MORN4: variants seen among roughly 807,000 people sequenced by gnomAD.
MORN4 encodes MORN repeat-containing protein 4.
MORN4 carries 8 observed loss-of-function variants against 16.4 expected under a neutral mutation model. The observed-to-expected ratio is 0.49, with a 90% CI of 0.29 to 0.88. MORN4 has a LOEUF of 0.88. Among genes scored for constraint, MORN4 ranks in the 40% least tolerant of loss-of-function variants. The probability of loss-of-function intolerance (pLI) is 0.09; values close to 1 mark genes in which losing one functional copy is unlikely to be tolerated. For missense variants in MORN4, 159 were observed against 182.9 expected (o/e 0.87, Z 0.75); for synonymous variants, 53 against 68.9 (o/e 0.77, Z 1.14).
chr10:97,631,144 G>T (rs1174451703), intron 1 of MORN4, among the ~76,000 whole-genome samples: 1 of 152,190 alleles, frequency 6.6e-6, no homozygotes, highest in Non-Finnish European at 1.5e-5. Context: ...GAGCCACCAT[G>T]TCTGGCCCAA....
chr10:97,633,309 T>C lies in MORN4; in HGVS notation c.-31+38A>G, dbSNP rs779791764. The C allele has an allele frequency of 1.0e-5, 13 of 1,287,412 alleles. No homozygotes were observed. Among genetic ancestry groups the C allele is most frequent in the South Asian group, 2.5e-5 (2 of 80,824 alleles). 79.7% of individuals were successfully genotyped at this position (1,287,412 alleles called of 1,614,324 possible). ...TCAGTGCCCACCTGACCGATCACACTCTTTCCCGGCCCCCTCCCTCCTGCG... is the reference window on the plus strand; with the variant it reads ...TCAGTGCCCACCTGACCGATCACACCCTTTCCCGGCCCCCTCCCTCCTGCG... On this transcript the variant is annotated intron_variant, in intron 1 of 4. Transcript: ENST00000307450. The surrounding 1 kb of genome is among the most constrained non-coding windows in gnomAD (Gnocchi z 4.5).
At position 97,614,649 on chromosome 10, in the gene MORN4, C is replaced by T. The variant is rs1307167753; in HGVS notation, c.*1614G>A. ...AGGCACACGGCTATAACTTCCACCA[C>T]AATCTGCTGTTGAAGAGACATTCAA... On this transcript the variant is annotated 3_prime_UTR_variant, in exon 5 of 5. Coordinates refer to ENST00000307450, the MANE Select transcript of MORN4 (RefSeq NM_178832.4). 6.6e-6 allele frequency: 1 copy of T among 152,616 alleles called. No homozygotes were observed. Among genetic ancestry groups the T allele is most frequent in the Non-Finnish European group, 1.5e-5 (1 of 68,038 alleles). 9.5% of individuals were successfully genotyped at this position (152,616 alleles called of 1,614,324 possible). A position where few individuals can be genotyped will look rare whatever the true frequency, so the allele number is the denominator to read the frequency against.
At chr10:97,620,196 T>C (rs184536578) in intron 1 of MORN4, among the ~76,000 whole-genome samples, 22 of 151,494 alleles carry the variant, frequency 1.5e-4, no homozygotes, top group Non-Finnish European at 1.9e-4. Context: ...TCAGAAAACA[T>C]AGGGAACAGG....
chr10:97,618,451 T>G (rs1253236825), intron 2 of MORN4, among the ~76,000 whole-genome samples: 1 of 151,914 alleles, frequency 6.6e-6, no homozygotes, highest in Non-Finnish European at 1.5e-5. Context: ...TGCCCTAAAT[T>G]CTTGAGCCTT....
chr10:97,623,919 G>A (rs1564766939), intron 1 of MORN4, among the ~76,000 whole-genome samples: 2 of 151,936 alleles, frequency 1.3e-5, no homozygotes, highest in South Asian at 4.2e-4. Flanking sequence ...GTATTTTTTA[G>A]TAGAGATGGA....
rs1351518282 is a variant in MORN4 at position 97,614,843 on chromosome 10, G to A, written c.*1420C>T. 1.3e-5 allele frequency: 2 copies of A among 152,352 alleles called. No homozygotes were observed. Among genetic ancestry groups the A allele is most frequent in the East Asian group, 3.9e-4 (2 of 5,182 alleles). 9.4% of individuals were successfully genotyped at this position (152,352 alleles called of 1,614,324 possible). A position where few individuals can be genotyped will look rare whatever the true frequency, so the allele number is the denominator to read the frequency against. The stretch of plus-strand genomic sequence containing the variant: ...CCAAATGCTCCTTTAGTTCCCCACA[G>A]TCCTAGAGTAGGTCCAATTCTACCA... On this transcript the variant is annotated 3_prime_UTR_variant, in exon 5 of 5. Transcript: ENST00000307450.
rs924253929 is a variant in MORN4, at chr10:97,626,018, C to CGA, written c.-30-6337_-30-6336dup. On this transcript the variant is annotated intron_variant, in intron 1 of 4. Transcript: ENST00000307450. ...TCAAGCAATCTCTGGCCTTGGCCTC[C>CGA]GAAAGTGCTAGGATTATAAGCATGA... Among the ~76,000 whole-genome samples, 414 of 151,670 alleles carry CGA rather than the reference C, an allele frequency of 2.7e-3. 3 individuals carry two copies. The highest frequency in any genetic ancestry group is 9.7e-3 in the African/African-American group (400 of 41,214).
At chr10:97,622,921 G>A (rs1017596503) in intron 1 of MORN4, among the ~76,000 whole-genome samples, 16 of 149,402 alleles carry the variant, frequency 1.1e-4, no homozygotes, top group African/African-American at 4.0e-4. Flanking sequence ...GTCTTGCTCT[G>A]TCACCCAGGC....
At chr10:97,630,348 T>A (rs1027246666) in intron 1 of MORN4, among the ~76,000 whole-genome samples, 2 of 152,202 alleles carry the variant, frequency 1.3e-5, no homozygotes, top group African/African-American at 4.8e-5. Context: ...ATTACAGGCA[T>A]GAGCCACCGC....
intron 1 of MORN4, among the ~76,000 whole-genome samples, chr10:97,623,952 G>A (rs1292482321): frequency 6.6e-6 from 1 of 151,978 alleles, no homozygotes; most frequent in Non-Finnish European, 1.5e-5. Flanking sequence ...TAGCCAGGAT[G>A]GTCTCAATCT....
At chr10:97,627,062 T>C (rs1257189270) in intron 1 of MORN4, among the ~76,000 whole-genome samples, 1 of 151,108 alleles carries the variant, frequency 6.6e-6, no homozygotes, top group Non-Finnish European at 1.5e-5. Context: ...CGGCCTGATT[T>C]TTGTTTGTTT....
intron 1 of MORN4, among the ~76,000 whole-genome samples, chr10:97,620,280 T>C (rs1414362753): frequency 1.3e-5 from 2 of 150,124 alleles, no homozygotes; most frequent in South Asian, 2.1e-4. Context: ...CTGAGGTCAG[T>C]TGTTTGAGAC....
intron 1 of MORN4, among the ~76,000 whole-genome samples, chr10:97,620,152 C>G (rs914730036): frequency 1.3e-4 from 20 of 151,752 alleles, no homozygotes; most frequent in African/African-American, 4.8e-4. Context: ...AACAAGCAGA[C>G]AAGCAGTGGA....
chr10:97,618,426 A>G (rs145496591), intron 2 of MORN4, among the ~76,000 whole-genome samples: 1 of 152,110 alleles, frequency 6.6e-6, no homozygotes, highest in East Asian at 1.9e-4. Context: ...GATTACAGGC[A>G]TGAGCCACTG....
In MORN4 at chr10:97,627,682, C is replaced by T. The variant is rs76983071; in HGVS notation, c.-31+5665G>A. Among the ~76,000 whole-genome samples the T allele has an allele frequency of 6.8e-4, 104 of 152,330 alleles. 1 individual carries two copies. The East Asian group carries it at 0.018, about 27-fold the overall frequency. The stretch of plus-strand genomic sequence containing the variant: ...CTCTTCTAGAGATATTTGGGGGCCA[C>T]TCCCATAGGACTTTCTCCCTTCTTC... On this transcript the variant is annotated intron_variant, in intron 1 of 4. Transcript: ENST00000307450.
upstream of MORN4, chr10:97,633,659 G>C: frequency 7.9e-7 from 1 of 1,266,622 alleles, no homozygotes; most frequent in Non-Finnish European, 1.0e-6. The surrounding 1 kb of genome is among the most constrained non-coding windows in gnomAD (Gnocchi z 4.5). Flanking sequence ...CCTCTGCAAC[G>C]CAGATAAAGA....
intron 1 of MORN4, among the ~76,000 whole-genome samples, chr10:97,627,811 C>A (rs1470844957): frequency 6.6e-6 from 1 of 152,160 alleles, no homozygotes; most frequent in African/African-American, 2.4e-5. Flanking sequence ...CCTCTGGGAG[C>A]TATTTTCTGA....
At position 97,614,659 on chromosome 10, in the gene MORN4, T is replaced by G. The variant is rs893559215; in HGVS notation, c.*1604A>C. ...CTATAACTTCCACCACAATCTGCTGTTGAAGAGACATTCAATGTGAGGCTA... is the reference window on the plus strand; with the variant it reads ...CTATAACTTCCACCACAATCTGCTGGTGAAGAGACATTCAATGTGAGGCTA... On this transcript the variant is annotated 3_prime_UTR_variant, in exon 5 of 5. Coordinates refer to ENST00000307450, the MANE Select transcript of MORN4 (RefSeq NM_178832.4). 2.6e-5 allele frequency: 4 copies of G among 152,642 alleles called. No homozygotes were observed. The highest frequency in any genetic ancestry group is 1.5e-5 in the Non-Finnish European group (1 of 68,044). The allele number at this position is 152,642 out of a possible 1,614,324, so 9.5% of individuals were successfully genotyped here. A position where few individuals can be genotyped will look rare whatever the true frequency, so the allele number is the denominator to read the frequency against.
At chr10:97,621,604 G>A (rs1180274276) in intron 1 of MORN4, among the ~76,000 whole-genome samples, 8 of 152,190 alleles carry the variant, frequency 5.3e-5, no homozygotes, top group Non-Finnish European at 7.3e-5. Flanking sequence ...AGTTGGCCGG[G>A]TGCGGTGGCT....
Sources: allele counts gnomAD v4.1 joint callset (sites outside exome capture counted in the v4.1 genomes callset), GRCh38; gene constraint gnomAD v4.1.1; non-coding constraint Gnocchi (gnomAD v3.1); transcripts MANE v1.5; gene names NCBI Gene and HGNC (gene_info 2026-07-23, HGNC 2026-07-21).